Variants in EGFLAM observed in about 807,000 individuals in gnomAD.
EGFLAM encodes pikachurin.
A neutral mutation model predicts 113.1 loss-of-function variants in EGFLAM; 79 were observed. That is an observed-to-expected ratio of 0.70 (90% CI 0.58 to 0.84). The LOEUF is 0.84. Ranked by LOEUF, EGFLAM falls within the 40% of genes least tolerant of loss-of-function variation. EGFLAM has a pLI of 0.00. For missense variants in EGFLAM, 1,265 were observed against 1,291.6 expected (o/e 0.98, Z 0.32); for synonymous variants, 504 against 487.6 (o/e 1.03, Z -0.44).
rs751477619 is a variant in EGFLAM at position 38,462,818 on chromosome 5, T to C, written c.2772-90T>C. The C allele has an allele frequency of 6.3e-6, 9 of 1,423,162 alleles. 1 individual carries two copies. The South Asian group carries it at 1.1e-4, about 17-fold the overall frequency. The allele number at this position is 1,423,162 out of a possible 1,614,324, so 88.2% of individuals were successfully genotyped here. On this transcript the variant is annotated intron_variant, in intron 20 of 21. Coordinates refer to ENST00000322350, the MANE Select transcript of EGFLAM (RefSeq NM_152403.4). Reference sequence around the variant, plus strand: ...ACAGTACCTGGCACATAGTGTGTCCTTTAATACATTTGTATTGAAATGAAT... The same window carrying C: ...ACAGTACCTGGCACATAGTGTGTCCCTTAATACATTTGTATTGAAATGAAT...
intron 1 of EGFLAM, among the ~76,000 whole-genome samples, chr5:38,312,022 G>A (rs930033721): frequency 1.3e-4 from 20 of 152,232 alleles, no homozygotes; most frequent in Non-Finnish European, 2.6e-4. Flanking sequence ...TGTAACCATC[G>A]TCATTTAATT....
intron 1 of EGFLAM, among the ~76,000 whole-genome samples, chr5:38,305,101 G>A (rs10069028): frequency 0.18 from 27,025 of 151,868 alleles, 2,545 homozygotes; most frequent in Middle Eastern, 0.21. Flanking sequence ...CAAATAACAG[G>A]CATTCTACAA....
At chr5:38,355,830 A>G (rs889684876) in intron 5 of EGFLAM, among the ~76,000 whole-genome samples, 3 of 152,180 alleles carry the variant, frequency 2.0e-5, no homozygotes, top group Middle Eastern at 3.2e-3. Flanking sequence ...GCATGATCTC[A>G]GCTCACTGCA....
At chr5:38,378,087 C>T (rs1740411511) in intron 6 of EGFLAM, among the ~76,000 whole-genome samples, 1 of 152,170 alleles carries the variant, frequency 6.6e-6, no homozygotes, top group African/African-American at 2.4e-5. Context: ...TTTTCTTCCA[C>T]AGTTTCAGAA....
chr5:38,397,523 G>T (rs1291195964), intron 6 of EGFLAM, among the ~76,000 whole-genome samples: 2 of 152,054 alleles, frequency 1.3e-5, no homozygotes, highest in Non-Finnish European at 2.9e-5. Flanking sequence ...GAACTCCAGG[G>T]CTCAAGCAAT....
At position 38,258,743 on chromosome 5, in the gene EGFLAM, G is replaced by C. The variant is rs368108401; in HGVS notation, c.-12G>C. ...CGGGACTTGGTGAAACTTTGCAGGC[G>C]CCGGCTGCGAAATGGATTTAATCCG... On this transcript the variant is annotated 5_prime_UTR_variant, in exon 1 of 22. Coordinates refer to ENST00000322350, the MANE Select transcript of EGFLAM (RefSeq NM_152403.4). The C allele has an allele frequency of 1.9e-6, 3 of 1,603,544 alleles. No homozygotes were observed. Among genetic ancestry groups the C allele is most frequent in the Admixed American group, 3.4e-5 (2 of 59,058 alleles).
chr5:38,285,265 T>G (rs1457884377), intron 1 of EGFLAM, among the ~76,000 whole-genome samples: 3 of 152,168 alleles, frequency 2.0e-5, no homozygotes, highest in African/African-American at 7.2e-5. Flanking sequence ...TCTTTTAGAG[T>G]TGCAGCAATT....
chr5:38,333,170 A>G (rs1055879743), intron 1 of EGFLAM, among the ~76,000 whole-genome samples: 7 of 152,190 alleles, frequency 4.6e-5, no homozygotes, highest in Non-Finnish European at 1.0e-4. Context: ...CATGGTGTAT[A>G]GGTACCACAT....
intron 6 of EGFLAM, among the ~76,000 whole-genome samples, chr5:38,371,967 A>G (rs143457245): frequency 0.012 from 1,878 of 152,116 alleles, 48 homozygotes; most frequent in African/African-American, 0.043. Flanking sequence ...TCCTGCTCCC[A>G]TTTCGTGAGC....
At chr5:38,328,797 A>T (rs573174792) in intron 1 of EGFLAM, among the ~76,000 whole-genome samples, 4 of 139,712 alleles carry the variant, frequency 2.9e-5, no homozygotes, top group African/African-American at 1.1e-4. Context: ...TCTTATTAAT[A>T]TGCATAAGTT....
chr5:38,338,646 T>C, intron 2 of EGFLAM, 52 bp from the exon 3 acceptor site: 2 of 1,566,202 alleles, frequency 1.3e-6, no homozygotes, highest in Non-Finnish European at 8.8e-7. Flanking sequence ...CAACCTTTGA[T>C]CTTACACAAG....
At chr5:38,438,193 G>A in intron 16 of EGFLAM, 82 bp from the exon 17 acceptor site, 1 of 1,482,144 alleles carries the variant, frequency 6.7e-7, no homozygotes, top group Non-Finnish European at 9.1e-7. Context: ...GTGTAGCTCA[G>A]GTTAATTTGC....
intron 1 of EGFLAM, among the ~76,000 whole-genome samples, chr5:38,311,152 C>T (rs113290889): frequency 1.9e-3 from 282 of 152,156 alleles, no homozygotes; most frequent in African/African-American, 6.4e-3. Flanking sequence ...AATATGCAGC[C>T]ATTGTGGAAT....
chr5:38,412,161 T>C (rs988003327), intron 10 of EGFLAM, among the ~76,000 whole-genome samples: 1 of 152,172 alleles, frequency 6.6e-6, no homozygotes, highest in Non-Finnish European at 1.5e-5. Flanking sequence ...GTGGGAATAG[T>C]GAATGATGCT....
chr5:38,377,241 G>A (rs189431762), intron 6 of EGFLAM, among the ~76,000 whole-genome samples: 6 of 151,942 alleles, frequency 3.9e-5, no homozygotes, highest in Admixed American at 2.0e-4. Context: ...AGGTTCAAGC[G>A]CTTCTCCTGC....
At chr5:38,427,957 C>T (rs1426485012) in intron 14 of EGFLAM, among the ~76,000 whole-genome samples, 1 of 152,128 alleles carries the variant, frequency 6.6e-6, no homozygotes, top group African/African-American at 2.4e-5. Flanking sequence ...TCGATTGTTC[C>T]TTGGAGCCTG....
At chr5:38,352,674 G>T (rs1205075614) in intron 5 of EGFLAM, among the ~76,000 whole-genome samples, 2 of 150,382 alleles carry the variant, frequency 1.3e-5, no homozygotes, top group Admixed American at 6.6e-5. Context: ...CAAATGTGTA[G>T]ATGTCAGAAT....
At chr5:38,397,807 G>T (rs959893669) in intron 6 of EGFLAM, among the ~76,000 whole-genome samples, 2 of 150,646 alleles carry the variant, frequency 1.3e-5, no homozygotes, top group African/African-American at 5.0e-5. Flanking sequence ...ATGAGCAAAG[G>T]GGACTTAAAA....
intron 13 of EGFLAM, among the ~76,000 whole-genome samples, chr5:38,425,459 G>A (rs1223205236): frequency 6.6e-6 from 1 of 152,122 alleles, no homozygotes; most frequent in Non-Finnish European, 1.5e-5. Flanking sequence ...GAGCCACCAC[G>A]CCAGGCCTCA....
Sources: gnomAD v4.1 joint callset for allele counts (sites outside exome capture counted in the v4.1 genomes callset) on GRCh38, gnomAD v4.1.1 for gene constraint, MANE v1.5 for transcripts, NCBI Gene and HGNC (gene_info 2026-07-23, HGNC 2026-07-21) for gene names.